Variants in IL10 observed in about 807,000 individuals in gnomAD.
IL10 encodes the protein interleukin-10.
Under a neutral mutation model 21.0 loss-of-function variants are expected in IL10, and 7 were observed. That is an observed-to-expected ratio of 0.33 (90% CI 0.19 to 0.63). The LOEUF is 0.63. Among genes scored for constraint, IL10 ranks in the 20% least tolerant of loss-of-function variants. The pLI is 0.77. For synonymous variants in IL10, 83 were observed against 79.7 expected (o/e 1.04, Z -0.22); for missense variants, 161 against 213.0 (o/e 0.76, Z 1.52).
Position 206,767,872 on chromosome 1 carries a change from G to A in IL10, c.*764C>T, listed in dbSNP as rs1010177399. The stretch of plus-strand genomic sequence containing the variant: ...AGCCTCCCAAGTAGCTGGGATTACA[G>A]GTGCGCGCCACCATGCCCGGCTAAT... On this transcript the variant is annotated 3_prime_UTR_variant, in exon 5 of 5. Transcript: ENST00000423557. 6.5e-6 allele frequency: 1 copy of A among 154,804 alleles called. No individual in the cohort carries two copies. 9.6% of individuals were successfully genotyped at this position (154,804 alleles called of 1,614,324 possible).
chr1:206,771,500 A>G (rs78550221), intron 1 of IL10, 85 bp from the exon 2 acceptor site: 1 of 842,356 alleles, frequency 1.2e-6, no homozygotes, highest in African/African-American at 1.8e-5. Flanking sequence ...TCATTTAGAG[A>G]TTTTTTTTTT....
At chr1:206,769,318 C>T (rs1674753629) in intron 4 of IL10, among the ~76,000 whole-genome samples, 1 of 152,234 alleles carries the variant, frequency 6.6e-6, no homozygotes, top group Non-Finnish European at 1.5e-5. Flanking sequence ...CATTCTCAGG[C>T]ACCTCCGCAG....
At chr1:206,769,559 G>T (rs1403003689) in intron 4 of IL10, 3 of 563,624 alleles carry the variant, frequency 5.3e-6, no homozygotes, top group Middle Eastern at 9.5e-4. Context: ...AGCTCACTGT[G>T]TTCACAGGCT....
Position 206,768,467 on chromosome 1 carries a change from A to G in IL10, c.*169T>C. The G allele has an allele frequency of 1.6e-6, 1 of 612,272 alleles. No homozygotes were observed. Among genetic ancestry groups the G allele is most frequent in the South Asian group, 1.9e-5 (1 of 52,354 alleles). The allele number at this position is 612,272 out of a possible 1,614,324, so 37.9% of individuals were successfully genotyped here. The stretch of plus-strand genomic sequence containing the variant: ...TTCTAAATCGTTCACAGAGAAGCTC[A>G]GTAAATAAATAGAAATGGGGGTTGA... On this transcript the variant is annotated 3_prime_UTR_variant, in exon 5 of 5. Transcript: ENST00000423557.
intron 2 of IL10, 95 bp from the exon 3 acceptor site, chr1:206,771,154 CG>C (rs1175010475): frequency 4.3e-6 from 6 of 1,410,672 alleles, no homozygotes; most frequent in Non-Finnish European, 6.0e-6. Flanking sequence ...TTGGTTCTAG[CG>C]ATCCTCCTTC....
chr1:206,770,852 T>C (rs998902524), intron 3 of IL10, 55 bp downstream of exon 3: 1 of 1,540,550 alleles, frequency 6.5e-7, no homozygotes, highest in Non-Finnish European at 9.0e-7. Flanking sequence ...TGCTGGTCTG[T>C]AGGAGATGGT....
intron 4 of IL10, among the ~76,000 whole-genome samples, chr1:206,769,071 TGAGAG>T (rs1426614390): frequency 1.3e-5 from 2 of 152,002 alleles, no homozygotes; most frequent in African/African-American, 4.8e-5. Context: ...AGCAAGACGG[TGAGAG>T]GAGAGGAGGG....
At chr1:206,769,598 A>G in intron 4 of IL10, 1 of 598,488 alleles carries the variant, frequency 1.7e-6, no homozygotes, top group Non-Finnish European at 3.0e-6. Context: ...GCAAGCCTGC[A>G]AAGGCAGCGA....
intron 3 of IL10, 74 bp downstream of exon 3, chr1:206,770,833 G>T (rs903320101): frequency 5.0e-6 from 7 of 1,392,504 alleles, no homozygotes; most frequent in African/African-American, 1.4e-5. Context: ...CTGTGGATGT[G>T]AGTGTCCCTG....
At position 206,772,399 on chromosome 1, in the gene IL10, G is replaced by T. The variant is rs769236514; in HGVS notation, c.37C>A (p.Leu13Met). Reference sequence around the variant, plus strand: ...CCTGGGCTGGCCCTCACCCCAGTCAGGAGGACCAGGCAACAGAGCAGTGCT... The same window carrying T: ...CCTGGGCTGGCCCTCACCCCAGTCATGAGGACCAGGCAACAGAGCAGTGCT... The part of the protein sequence containing the change: ...SSALLCCLVL[L>M]TGVRASPGQG... The change falls in exon 1 of 5, where the codon CTG becomes ATG. Residue 13 changes from leucine to methionine, a missense_variant. Physicochemically the swap from Leu to Met is conservative, Grantham distance 15. Coordinates refer to ENST00000423557, the MANE Select transcript of IL10 (RefSeq NM_000572.3). The T allele has an allele frequency of 5.0e-6, 8 of 1,614,142 alleles. No individual in the cohort carries two copies. In the East Asian group the frequency reaches 1.6e-4, roughly 31 times the overall value.
At position 206,768,587 on chromosome 1, in the gene IL10, A is replaced by G; in HGVS notation, c.*49T>C. ...CCCAGAGCCCCAGATCCGATTTTGG[A>G]GACCTCTAATTTATGTCCTAGAGTC... On this transcript the variant is annotated 3_prime_UTR_variant, in exon 5 of 5. Coordinates refer to ENST00000423557, the MANE Select transcript of IL10 (RefSeq NM_000572.3). 3 of 1,082,112 alleles carry G rather than the reference A, an allele frequency of 2.8e-6. No homozygotes were observed. The highest frequency in any genetic ancestry group is 4.3e-6 in the Non-Finnish European group (3 of 697,318). 67.0% of individuals were successfully genotyped at this position (1,082,112 alleles called of 1,614,324 possible).
chr1:206,770,709 A>G, intron 3 of IL10, 198 bp downstream of exon 3: 1 of 609,210 alleles, frequency 1.6e-6, no homozygotes, highest in Non-Finnish European at 2.9e-6. Context: ...TTTCACATGT[A>G]AATGCCTAGC....
Sources: allele counts gnomAD v4.1 joint callset (sites outside exome capture counted in the v4.1 genomes callset), GRCh38; gene constraint gnomAD v4.1.1; transcripts MANE v1.5; gene names NCBI Gene and HGNC (gene_info 2026-07-23, HGNC 2026-07-21).